The following JMJD1C variants were observed in gnomAD, a reference collection of about 807,000 sequenced individuals.
JMJD1C encodes the protein jumonji domain-containing protein 1C.
Under a neutral mutation model 245.3 loss-of-function variants are expected in JMJD1C, and 31 were observed. That is an observed-to-expected ratio of 0.13 (90% CI 0.09 to 0.17). The LOEUF is 0.17. Among genes scored for constraint, JMJD1C ranks in the 10% least tolerant of loss-of-function variants. The pLI is 1.00. For synonymous variants in JMJD1C, 1,057 were observed against 1,017.4 expected (o/e 1.04, Z -0.74); for missense variants, 2,691 against 3,000.2 (o/e 0.90, Z 2.41).
At chr10:63,352,637 C>CAAAAAAA (rs145589142) in intron 2 of JMJD1C, among the ~76,000 whole-genome samples, 1 of 96,780 alleles carries the variant, frequency 1.0e-5, no homozygotes, top group Non-Finnish European at 2.1e-5. Flanking sequence ...GACTCTGTCT[C>CAAAAAAA]AAAAAAAAAA....
At chr10:63,413,951 G>A (rs1308479619) in intron 1 of JMJD1C, among the ~76,000 whole-genome samples, 1 of 149,964 alleles carries the variant, frequency 6.7e-6, no homozygotes, top group Middle Eastern at 3.5e-3. Context: ...CTTTTACAAA[G>A]ACATTTGGAT....
chr10:63,327,509 A>G (rs1430850201), intron 2 of JMJD1C, among the ~76,000 whole-genome samples: 1 of 152,218 alleles, frequency 6.6e-6, no homozygotes, highest in Non-Finnish European at 1.5e-5. Flanking sequence ...CCTTCCAGTT[A>G]CAACTAAGGA....
chr10:63,378,258 T>C (rs1203476461), intron 2 of JMJD1C, among the ~76,000 whole-genome samples: 4 of 152,222 alleles, frequency 2.6e-5, no homozygotes, highest in Admixed American at 6.5e-5. Context: ...ATTTTATGAA[T>C]ACAACAGAAA....
In JMJD1C at chr10:63,326,154, G is replaced by A. The variant is rs540209056; in HGVS notation, c.333+54164C>T. Among the ~76,000 whole-genome samples the A allele has an allele frequency of 3.9e-4, 59 of 152,178 alleles. 1 individual carries two copies. The highest frequency in any genetic ancestry group is 1.3e-3 in the African/African-American group (54 of 41,540). On this transcript the variant is annotated intron_variant, in intron 2 of 25. Coordinates refer to ENST00000399262, the MANE Select transcript of JMJD1C (RefSeq NM_032776.3). ...TGACATTTGTAATTGACGGGGAAGC[G>A]TAACAATTTCTGAGAAGTGTAATAA...
chr10:63,475,758 A>G (rs1953640462), intron 1 of JMJD1C, among the ~76,000 whole-genome samples: 1 of 152,252 alleles, frequency 6.6e-6, no homozygotes, highest in African/African-American at 2.4e-5. Flanking sequence ...AAGTAAGAGC[A>G]TTCGACTACT....
intron 1 of JMJD1C, among the ~76,000 whole-genome samples, chr10:63,408,789 G>GA (rs1949320656): frequency 6.6e-6 from 1 of 150,684 alleles, no homozygotes; most frequent in Non-Finnish European, 1.5e-5. Context: ...TCCACGAAAA[G>GA]AATCCAGCAA....
chr10:63,200,815 T>G, intron 10 of JMJD1C, 138 bp from the exon 11 acceptor site: 7 of 695,818 alleles, frequency 1.0e-5, no homozygotes, highest in Non-Finnish European at 1.7e-5. Flanking sequence ...TTAAGAGCTC[T>G]AGGTACTGAT....
At chr10:63,255,850 A>T (rs899763782) in intron 3 of JMJD1C, among the ~76,000 whole-genome samples, 2 of 152,202 alleles carry the variant, frequency 1.3e-5, no homozygotes, top group African/African-American at 4.8e-5. Context: ...TTCTAGTAAA[A>T]TATTACTATT....
chr10:63,204,086 A>G, intron 10 of JMJD1C: 1 of 893,746 alleles, frequency 1.1e-6, no homozygotes, highest in Non-Finnish European at 1.3e-6. Flanking sequence ...GTGAATATCC[A>G]CTGCACTCCA....
intron 1 of JMJD1C, among the ~76,000 whole-genome samples, chr10:63,455,984 GTTATAC>G (rs1297673819): frequency 2.0e-5 from 3 of 151,988 alleles, no homozygotes; most frequent in Non-Finnish European, 2.9e-5. Flanking sequence ...TTTTTTCCTT[GTTATAC>G]TTAGTAGTTC....
chr10:63,359,841 T>A (rs1422989639), intron 2 of JMJD1C, among the ~76,000 whole-genome samples: 2 of 152,158 alleles, frequency 1.3e-5, no homozygotes, highest in African/African-American at 4.8e-5. Flanking sequence ...TGGTATTGTT[T>A]CCATATGGTA....
chr10:63,338,725 C>T (rs181741617), intron 2 of JMJD1C, among the ~76,000 whole-genome samples: 37 of 147,238 alleles, frequency 2.5e-4, no homozygotes, highest in African/African-American at 8.7e-4. Context: ...CTCAGCTCAC[C>T]GCAACCTCTG....
Position 63,214,017 on chromosome 10 carries a change from G to C in JMJD1C, c.2150C>G (p.Pro717Arg). The change falls in exon 8 of 26, where the codon CCT becomes CGT. Residue 717 changes from proline (P) to arginine (R), a missense_variant. This residue lies in a region of JMJD1C where 1,562 missense variants were observed against 1,490.7 expected (regional missense o/e 1.05). Coordinates refer to ENST00000399262, the MANE Select transcript of JMJD1C (RefSeq NM_032776.3). ...TCCTGTTTCTGACCCAATAAGTGCA[G>C]GATCTCTGTAAACTGTAAAATGCTC... ...KNEHFTVYRD[P>R]ALIGSETGAN... 6.2e-7 allele frequency: 1 copy of C among 1,614,154 alleles called. No homozygotes were observed.
chr10:63,360,680 A>G (rs1373982589), intron 2 of JMJD1C, among the ~76,000 whole-genome samples: 1 of 152,264 alleles, frequency 6.6e-6, no homozygotes, highest in African/African-American at 2.4e-5. Flanking sequence ...TTGGATAATG[A>G]TGGCATGCTT....
chr10:63,397,187 A>G (rs572537662), intron 1 of JMJD1C, among the ~76,000 whole-genome samples: 3 of 152,266 alleles, frequency 2.0e-5, no homozygotes, highest in South Asian at 2.1e-4. Context: ...AACAAAAGTA[A>G]CTATTATTTA....
chr10:63,473,347 G>A (rs939344517), intron 1 of JMJD1C, among the ~76,000 whole-genome samples: 1 of 151,996 alleles, frequency 6.6e-6, no homozygotes, highest in Admixed American at 6.6e-5. Context: ...GGAAGTTCAA[G>A]CAGTTCTCCT....
intron 3 of JMJD1C, among the ~76,000 whole-genome samples, chr10:63,239,251 T>C (rs973838279): frequency 6.6e-6 from 1 of 152,122 alleles, no homozygotes; most frequent in African/African-American, 2.4e-5. Context: ...TGGATTGAAT[T>C]AAGGACAGCA....
In JMJD1C at chr10:63,190,897, G is replaced by C. The variant is rs761068127; in HGVS notation, c.6288C>G (p.Ala2096=). ...CCAAAAATCTGGCATCACTCACTGG[G>C]GCTCCCATTGAATATACTGGGGCAA... ...IAFAPVYSMG[A]PSSKSGRTMP... is the part of the protein sequence containing the mutation. The change falls in exon 17 of 26, where the codon GCC becomes GCG. Residue 2096 remains alanine, a synonymous_variant. Transcript: ENST00000399262. The C allele has an allele frequency of 1.2e-5, 20 of 1,613,470 alleles. No individual in the cohort carries two copies. Among genetic ancestry groups the C allele is most frequent in the Non-Finnish European group, 1.7e-5 (20 of 1,179,512 alleles).
chr10:63,266,189 A>G (rs1005937943), intron 2 of JMJD1C, among the ~76,000 whole-genome samples: 2 of 152,110 alleles, frequency 1.3e-5, no homozygotes, highest in Non-Finnish European at 2.9e-5. Flanking sequence ...TTCGATATTT[A>G]AGATCAGAAA....
Sources: gnomAD v4.1 joint callset for allele counts (sites outside exome capture counted in the v4.1 genomes callset) on GRCh38, gnomAD v4.1.1 for gene constraint, gnomAD v4.1.1 regional missense constraint, MANE v1.5 for transcripts, NCBI Gene and HGNC (gene_info 2026-07-23, HGNC 2026-07-21) for gene names.